Variants in FRMD4B observed in about 807,000 individuals in gnomAD.
FRMD4B encodes the protein FERM domain containing 4B.
In FRMD4B, 74 loss-of-function variants were observed where a neutral mutation model predicts 141.5. The ratio of observed to expected loss-of-function variants is 0.52; its 90% CI spans 0.43 to 0.63. The LOEUF (loss-of-function observed/expected upper bound fraction) is 0.63, where lower values mean the gene tolerates loss of function less well. Ranked by LOEUF, FRMD4B falls within the 30% of genes least tolerant of loss-of-function variation. The pLI, the probability that FRMD4B is intolerant of heterozygous loss-of-function variation, is 0.00. For synonymous variants in FRMD4B, 506 were observed against 467.9 expected (o/e 1.08, Z -1.05); for missense variants, 1,366 against 1,253.4 (o/e 1.09, Z -1.36).
intron 3 of FRMD4B, 48 bp downstream of exon 3, chr3:69,311,215 G>A (rs774557603): frequency 3.6e-6 from 3 of 842,380 alleles, no homozygotes; most frequent in Non-Finnish European, 6.0e-6. Context: ...ACAGCAAGTA[G>A]GTAGCCCAGG....
intron 7 of FRMD4B, among the ~76,000 whole-genome samples, chr3:69,237,128 A>G (rs1354539562): frequency 6.6e-6 from 1 of 152,198 alleles, no homozygotes; most frequent in East Asian, 1.9e-4. Context: ...CAACAGATCT[A>G]AAGGACCAGA....
At chr3:69,318,411 AC>A (rs1457227912) in intron 1 of FRMD4B, among the ~76,000 whole-genome samples, 1 of 152,194 alleles carries the variant, frequency 6.6e-6, no homozygotes, top group Non-Finnish European at 1.5e-5. Context: ...ACTCATAATC[AC>A]TGAGGCGCCC....
In FRMD4B at chr3:69,371,745, C is replaced by T. The variant is rs115512746; in HGVS notation, c.162+14083G>A. 9.0e-3 allele frequency among the ~76,000 whole-genome samples: 1,376 copies of T among 152,262 alleles called. 26 individuals are homozygous for T. Among genetic ancestry groups the T allele is most frequent in the African/African-American group, 0.03 (1,247 of 41,530 alleles). On this transcript the variant is annotated intron_variant, in intron 1 of 22. Transcript: ENST00000398540. The stretch of plus-strand genomic sequence containing the variant: ...AAACTAGCCAAGGTTTTCACTTCAG[C>T]ACCCGGAAGAATGGAGTTGCCATTT...
chr3:69,435,839 G>A (rs1705252135), intron 1 of FRMD4B, among the ~76,000 whole-genome samples: 1 of 152,170 alleles, frequency 6.6e-6, no homozygotes, highest in Non-Finnish European at 1.5e-5. Context: ...ATCCCTTAGG[G>A]AAAGTGCCAA....
chr3:69,340,522 C>T (rs952046012), intron 1 of FRMD4B, among the ~76,000 whole-genome samples: 9 of 152,308 alleles, frequency 5.9e-5, no homozygotes, highest in African/African-American at 1.2e-4. Context: ...TAGGAGACAT[C>T]GTGCAGTGGT....
At chr3:69,541,698 C>G (rs1701186078) in intron 1 of FRMD4B, among the ~76,000 whole-genome samples, 1 of 152,170 alleles carries the variant, frequency 6.6e-6, no homozygotes, top group Non-Finnish European at 1.5e-5. Flanking sequence ...CACACTGCCT[C>G]TCCAACATAG....
intron 1 of FRMD4B, among the ~76,000 whole-genome samples, chr3:69,509,617 C>T (rs1490501840): frequency 6.6e-6 from 1 of 152,070 alleles, no homozygotes; most frequent in African/African-American, 2.4e-5. Flanking sequence ...ATTGCATTTG[C>T]CTTCTGCAGC....
At chr3:69,362,722 C>A (rs1216640971) in intron 1 of FRMD4B, among the ~76,000 whole-genome samples, 5 of 145,400 alleles carry the variant, frequency 3.4e-5, no homozygotes, top group Non-Finnish European at 6.1e-5. Flanking sequence ...AAAAAACAAA[C>A]AAAAAACAAA....
chr3:69,227,488 C>T (rs939271952), intron 7 of FRMD4B, among the ~76,000 whole-genome samples: 1 of 151,820 alleles, frequency 6.6e-6, no homozygotes, highest in African/African-American at 2.4e-5. Flanking sequence ...CATGTGAAAC[C>T]CCGTCTCTAC....
At chr3:69,469,860 C>T (rs1241639174) in intron 1 of FRMD4B, among the ~76,000 whole-genome samples, 2 of 152,208 alleles carry the variant, frequency 1.3e-5, no homozygotes, top group African/African-American at 4.8e-5. Flanking sequence ...GCCACCAAAG[C>T]AAATCCCTTT....
At chr3:69,261,522 AT>A (rs2093527134) in intron 5 of FRMD4B, among the ~76,000 whole-genome samples, 1 of 152,142 alleles carries the variant, frequency 6.6e-6, no homozygotes, top group African/African-American at 2.4e-5. Context: ...TCCAAGTAAT[AT>A]TTTTGTGTAG....
intron 1 of FRMD4B, among the ~76,000 whole-genome samples, chr3:69,447,355 G>T (rs1322755996): frequency 6.6e-6 from 1 of 152,114 alleles, no homozygotes; most frequent in Non-Finnish European, 1.5e-5. Context: ...TTGGAATCAA[G>T]ATCTTATAAG....
At chr3:69,385,703 G>A in intron 1 of FRMD4B, 125 bp downstream of exon 1, 2 of 797,782 alleles carry the variant, frequency 2.5e-6, no homozygotes, top group South Asian at 2.4e-5. Context: ...TTTGACCCAA[G>A]GGCCAAGCAG....
chr3:69,476,202 G>A (rs1705994673), intron 1 of FRMD4B, among the ~76,000 whole-genome samples: 1 of 151,688 alleles, frequency 6.6e-6, no homozygotes, highest in South Asian at 2.1e-4. Context: ...AAGCTCTTTA[G>A]TTTAATTAGA....
intron 5 of FRMD4B, among the ~76,000 whole-genome samples, chr3:69,283,408 A>AACAACCAAAAAAC (rs35537234): frequency 7.1e-6 from 1 of 141,050 alleles, no homozygotes. Context: ...CAACAAACAA[A>AACAACCAAAAAAC]AAACAAAAAA....
chr3:69,528,801 CA>C lies in FRMD4B; in HGVS notation c.-129+13404del, dbSNP rs77054280. On this transcript the variant is annotated intron_variant, in intron 1 of 5. Transcript: ENST00000459638. ...AATGAGACAAGAAAGATAAGGCCAC[CA>C]AAAAAAAAAAAAAGTACTAGCCTAT... is the stretch of plus-strand genomic sequence containing the variant. Among the ~76,000 whole-genome samples, 1,142 of 133,974 alleles carry C rather than the reference CA, an allele frequency of 8.5e-3. 3 individuals carry two copies. Among genetic ancestry groups the C allele is most frequent in the African/African-American group, 0.013 (472 of 36,346 alleles). The allele number at this position is 133,974 out of a possible 152,430, so 87.9% of individuals were successfully genotyped here. A position where few individuals can be genotyped will look rare whatever the true frequency, so the allele number is the denominator to read the frequency against.
rs11382691 is a variant in FRMD4B at position 69,540,186 on chromosome 3, GA to G, written c.-129+2019del. Among the ~76,000 whole-genome samples, 13 of 150,602 alleles carry G rather than the reference GA, an allele frequency of 8.6e-5. No homozygotes were observed. In the East Asian group the frequency reaches 2.0e-3, roughly 23 times the overall value. On this transcript the variant is annotated intron_variant, in intron 1 of 5. Transcript: ENST00000459638. ...CCACTCTGGGTGACAGAGTTCGAAG[GA>G]AAAAAAAAGGAAGAATTGTAGAAAC...
At position 69,250,925 on chromosome 3, in the gene FRMD4B, C is replaced by CA. The variant is rs534564849; in HGVS notation, c.502-827dup. Reference sequence around the variant, plus strand: ...CAACATAGAGAGACCTCATCTCTACCAAAAAAGAAAAAAGCTTTTTCAGTA... The same window carrying CA: ...CAACATAGAGAGACCTCATCTCTACCAAAAAAAGAAAAAAGCTTTTTCAGTA... On this transcript the variant is annotated intron_variant, in intron 5 of 22. Transcript: ENST00000398540. 4.4e-3 allele frequency among the ~76,000 whole-genome samples: 667 copies of CA among 150,576 alleles called. 8 individuals carry two copies. The highest frequency in any genetic ancestry group is 0.015 in the African/African-American group (617 of 40,850).
intron 1 of FRMD4B, among the ~76,000 whole-genome samples, chr3:69,504,316 A>T (rs966101178): frequency 6.6e-6 from 1 of 152,142 alleles, no homozygotes; most frequent in African/African-American, 2.4e-5. Flanking sequence ...TAACAGCTTC[A>T]TTGGGATATA....
Sources: gnomAD v4.1 joint callset for allele counts (sites outside exome capture counted in the v4.1 genomes callset) on GRCh38, gnomAD v4.1.1 for gene constraint, MANE v1.5 for transcripts, NCBI Gene and HGNC (gene_info 2026-07-23, HGNC 2026-07-21) for gene names.